Variants in JAM3 observed in about 807,000 individuals in gnomAD.
JAM3 encodes junctional adhesion molecule C.
Under a neutral mutation model 39.4 loss-of-function variants are expected in JAM3, and 31 were observed. The ratio of observed to expected loss-of-function variants is 0.79; its 90% CI spans 0.59 to 1.06. The LOEUF is 1.06. Among genes scored for constraint, JAM3 ranks in the 50% least tolerant of loss-of-function variants. The probability of loss-of-function intolerance (pLI) is 0.00; values close to 1 mark genes in which losing one functional copy is unlikely to be tolerated. For missense variants in JAM3, 455 were observed against 391.4 expected (o/e 1.16, Z -1.37); for synonymous variants, 182 against 148.7 (o/e 1.22, Z -1.63).
Position 134,144,269 on chromosome 11 carries a change from G to A in JAM3, c.285G>A (p.Leu95=), listed in dbSNP as rs148009046. ...ACTTGGCGGGTCGTGCAGAAATACT[G>A]GGGAAGACATCCCTGAAGATCTGGA... ...QGDLAGRAEI[L]GKTSLKIWNV... The change falls in exon 4 of 9, where the codon CTG becomes CTA. Residue 95 remains leucine, a synonymous_variant. Coordinates refer to ENST00000299106, the MANE Select transcript of JAM3 (RefSeq NM_032801.5). 2.4e-3 allele frequency: 3,948 copies of A among 1,614,156 alleles called. 76 individuals carry two copies. In the East Asian group the frequency reaches 0.03, roughly 12 times the overall value.
intron 1 of JAM3, among the ~76,000 whole-genome samples, chr11:134,099,462 C>G (rs1942037019): frequency 6.6e-6 from 1 of 152,172 alleles, no homozygotes; most frequent in Admixed American, 6.5e-5. Flanking sequence ...GTCTCGCCCT[C>G]TCTCTGATGG....
chr11:134,091,682 G>A (rs1459475409), intron 1 of JAM3, among the ~76,000 whole-genome samples: 1 of 151,968 alleles, frequency 6.6e-6, no homozygotes, highest in East Asian at 1.9e-4. Flanking sequence ...AGTGGGTGAA[G>A]TGGAGGGGCA....
chr11:134,148,733 C>A, intron 7 of JAM3, 31 bp from the exon 8 acceptor site: 1 of 1,614,028 alleles, frequency 6.2e-7, no homozygotes, highest in Admixed American at 1.7e-5. Flanking sequence ...TATAACAACC[C>A]TGTTGCTAAA....
chr11:134,147,241 G>A (rs1233228477), intron 6 of JAM3, among the ~76,000 whole-genome samples: 1 of 151,802 alleles, frequency 6.6e-6, no homozygotes, highest in East Asian at 2.0e-4. Context: ...ATCACCTGAG[G>A]TCAGGAGTTC....
At chr11:134,124,459 C>T (rs902130117) in intron 1 of JAM3, 2 of 484,762 alleles carry the variant, frequency 4.1e-6, no homozygotes, top group Non-Finnish European at 7.4e-6. Flanking sequence ...TCAGTGTTTT[C>T]TCTATTCAAC....
At chr11:134,111,232 C>T (rs1942303829) in intron 1 of JAM3, among the ~76,000 whole-genome samples, 1 of 149,284 alleles carries the variant, frequency 6.7e-6, no homozygotes, top group African/African-American at 2.5e-5. Flanking sequence ...CAAGCTTCGC[C>T]TCCTGGGTTC....
chr11:134,084,414 C>G (rs1284872044), intron 1 of JAM3, among the ~76,000 whole-genome samples: 1 of 152,186 alleles, frequency 6.6e-6, no homozygotes, highest in Admixed American at 6.5e-5. Context: ...CGTAAAGTAG[C>G]TTTGTGGGGT....
intron 1 of JAM3, among the ~76,000 whole-genome samples, chr11:134,090,483 A>C (rs470780): frequency 0.23 from 35,172 of 152,060 alleles, 4,472 homozygotes; most frequent in East Asian, 0.39. Context: ...AAGATATACA[A>C]AAGGAAAACT....
intron 1 of JAM3, among the ~76,000 whole-genome samples, chr11:134,095,761 TACTA>T (rs1200302836): frequency 6.6e-6 from 1 of 152,208 alleles, no homozygotes; most frequent in Non-Finnish European, 1.5e-5. Flanking sequence ...CATGACCACT[TACTA>T]AATAGGGGCT....
intron 3 of JAM3, among the ~76,000 whole-genome samples, chr11:134,142,285 G>C (rs533401722): frequency 6.6e-6 from 1 of 152,332 alleles, no homozygotes; most frequent in Admixed American, 6.5e-5. Context: ...CCTCGCCTCA[G>C]TGCAGGGCTG....
chr11:134,094,717 G>A (rs1022199409), intron 1 of JAM3, among the ~76,000 whole-genome samples: 1 of 152,122 alleles, frequency 6.6e-6, no homozygotes, highest in African/African-American at 2.4e-5. Flanking sequence ...ATACACTTTC[G>A]TGGCCCCTAT....
chr11:134,139,828 T>C, intron 1 of JAM3, 23 bp from the exon 2 acceptor site: 3 of 1,601,898 alleles, frequency 1.9e-6, no homozygotes, highest in Non-Finnish European at 2.6e-6. Flanking sequence ...TTGTCTCTGA[T>C]TTTACTTTTC....
intron 1 of JAM3, among the ~76,000 whole-genome samples, chr11:134,086,225 G>T (rs1203212958): frequency 1.3e-5 from 2 of 152,110 alleles, no homozygotes; most frequent in Non-Finnish European, 2.9e-5. Context: ...TATTCCTTCT[G>T]AGTTCTGAAG....
chr11:134,145,004 C>A lies in JAM3; in HGVS notation c.612+10C>A, dbSNP rs1943045446. The A allele has an allele frequency of 1.2e-6, 2 of 1,600,406 alleles. No individual in the cohort carries two copies. The highest frequency in any genetic ancestry group is 2.7e-5 in the African/African-American group (2 of 74,660). The stretch of plus-strand genomic sequence containing the variant: ...TGAAACAGGCACTTTGGTAAGATCT[C>A]TTCTAAGAGGTGAGGATGGAGATGT... On this transcript the variant is annotated intron_variant, in intron 5 of 8. Transcript: ENST00000299106.
intron 1 of JAM3, among the ~76,000 whole-genome samples, chr11:134,134,975 G>A (rs1591802673): frequency 6.6e-6 from 1 of 151,896 alleles, no homozygotes; most frequent in Non-Finnish European, 1.5e-5. Flanking sequence ...TCTTGGTAGT[G>A]TCCTTTGATG....
chr11:134,124,398 A>G, intron 1 of JAM3: 3 of 612,410 alleles, frequency 4.9e-6, no homozygotes, highest in Non-Finnish European at 3.0e-6. Flanking sequence ...ATAAATCAAA[A>G]TGTTTCACAG....
At position 134,123,992 on chromosome 11, in the gene JAM3, A is replaced by C. The variant is rs1490547811; in HGVS notation, c.77-15859A>C. On this transcript the variant is annotated intron_variant, in intron 1 of 8. Transcript: ENST00000299106. ...TTCCATATTCAATCAAAGCAAGTGC[A>C]ACCAGCACAGGTGCCCTTCCCAATC... 2.8e-5 allele frequency: 43 copies of C among 1,515,986 alleles called. No individual in the cohort carries two copies. The East Asian group carries it at 9.7e-4, about 34-fold the overall frequency. The allele number at this position is 1,515,986 out of a possible 1,614,324, so 93.9% of individuals were successfully genotyped here.
intron 1 of JAM3, among the ~76,000 whole-genome samples, chr11:134,110,651 GA>G (rs1332855986): frequency 6.6e-6 from 1 of 152,118 alleles, no homozygotes; most frequent in Non-Finnish European, 1.5e-5. Flanking sequence ...GGTGAATAAG[GA>G]AGGAAGGGCA....
chr11:134,133,455 A>G (rs1299759392), intron 1 of JAM3, among the ~76,000 whole-genome samples: 5 of 152,178 alleles, frequency 3.3e-5, no homozygotes, highest in Non-Finnish European at 5.9e-5. Context: ...TTTATCATCT[A>G]TAGAAAGTTC....
Sources: gnomAD v4.1 joint callset for allele counts (sites outside exome capture counted in the v4.1 genomes callset) on GRCh38, gnomAD v4.1.1 for gene constraint, MANE v1.5 for transcripts, NCBI Gene and HGNC (gene_info 2026-07-23, HGNC 2026-07-21) for gene names.